Variants in ASB15 observed in about 807,000 individuals in gnomAD.
The protein encoded by ASB15 is ankyrin repeat and SOCS box protein 15.
ASB15 carries 54 observed loss-of-function variants against 58.0 expected under a neutral mutation model. The observed-to-expected ratio is 0.93, with a 90% CI of 0.75 to 1.17. The LOEUF is 1.17. ASB15 is among the 50% of genes most tolerant of loss of function. The pLI, the probability that ASB15 is intolerant of heterozygous loss-of-function variation, is 0.00. For synonymous variants in ASB15, 249 were observed against 262.4 expected (o/e 0.95, Z 0.50); for missense variants, 680 against 707.4 (o/e 0.96, Z 0.44).
Position 123,617,616 on chromosome 7 carries a change from T to C in ASB15, c.330T>C (p.Asp110=), listed in dbSNP as rs151090515. 1.8e-4 allele frequency: 290 copies of C among 1,611,356 alleles called. No individual in the cohort carries two copies. The highest frequency in any genetic ancestry group is 2.2e-4 in the Non-Finnish European group (261 of 1,177,614). ...CACTCTGGGAATTCAAGACCTGTGATGGAGAAACACCCTTGACTTTGGCAG... is the reference window on the plus strand; with the variant it reads ...CACTCTGGGAATTCAAGACCTGTGACGGAGAAACACCCTTGACTTTGGCAG... ...YKTLWEFKTC[D]GETPLTLAVK... is the part of the protein sequence containing the mutation. Residue 110 remains aspartate (D), a synonymous_variant, in exon 7 of 12, where the codon GAT becomes GAC. Coordinates refer to ENST00000451215, the MANE Select transcript of ASB15 (RefSeq NM_001290258.2).
chr7:123,577,191 AT>A (rs769140168), intron 1 of ASB15, among the ~76,000 whole-genome samples: 1 of 152,158 alleles, frequency 6.6e-6, no homozygotes, highest in Non-Finnish European at 1.5e-5. Flanking sequence ...GGTTTACTAT[AT>A]CATTGATATC....
intron 7 of ASB15, among the ~76,000 whole-genome samples, chr7:123,623,944 AAAGAAAGAAAGAAAG>A: frequency 1.5e-5 from 1 of 66,572 alleles, no homozygotes; most frequent in East Asian, 3.9e-4. Flanking sequence ...AGAAAGAAAG[AAAGAAAGAAAGAAAG>A]AAAGAAAGAA....
chr7:123,629,065 C>T lies in ASB15; in HGVS notation c.1071C>T (p.Gly357=), dbSNP rs1376390217. 11 of 1,613,288 alleles carry T rather than the reference C, an allele frequency of 6.8e-6. No homozygotes were observed. In the African/African-American group the frequency reaches 9.3e-5, roughly 14 times the overall value. Residue 357 remains glycine (G), a synonymous_variant, in exon 10 of 12, where the codon GGC becomes GGT. Coordinates refer to ENST00000451215, the MANE Select transcript of ASB15 (RefSeq NM_001290258.2). ...AGAGGAAGACTGCGCTGTATTTTGGCGTTTCTAATAATGACGTTCATTGCA... is the reference window on the plus strand; with the variant it reads ...AGAGGAAGACTGCGCTGTATTTTGGTGTTTCTAATAATGACGTTCATTGCA... ...DDERKTALYF[G]VSNNDVHCTE...
chr7:123,606,671 C>T (rs528409222), intron 2 of ASB15, among the ~76,000 whole-genome samples: 13 of 152,270 alleles, frequency 8.5e-5, no homozygotes, highest in African/African-American at 2.9e-4. Context: ...TCTATGACTT[C>T]AACTTTTTAG....
chr7:123,575,413 T>G (rs1441551424), intron 1 of ASB15, among the ~76,000 whole-genome samples: 2 of 152,096 alleles, frequency 1.3e-5, no homozygotes, highest in African/African-American at 2.4e-5. Context: ...CTCCTTTCAA[T>G]CTCAGATATT....
chr7:123,632,079 A>AT lies in ASB15; in HGVS notation c.1594+1960_1594+1961insT, dbSNP rs1189046181. Among the ~76,000 whole-genome samples the AT allele has an allele frequency of 8.3e-4, 127 of 152,116 alleles. 1 individual carries two copies. The highest frequency in any genetic ancestry group is 3.0e-3 in the African/African-American group (124 of 41,466). ...GGCGACAGAGCGAGACTCCATCTCA[A>AT]AAATAATAATAATAATAATAATAGA... On this transcript the variant is annotated intron_variant, in intron 11 of 11. Transcript: ENST00000451215.
intron 3 of ASB15, 164 bp from the exon 4 acceptor site, chr7:123,614,337 T>C (rs893208419): frequency 7.2e-6 from 4 of 552,354 alleles, no homozygotes; most frequent in Non-Finnish European, 1.3e-5. Flanking sequence ...AAAATGGACC[T>C]CACAAGTAAT....
chr7:123,608,172 C>T (rs1800242404), intron 2 of ASB15, among the ~76,000 whole-genome samples: 1 of 151,602 alleles, frequency 6.6e-6, no homozygotes. Flanking sequence ...TAATATGAAA[C>T]TGGAGATAAA....
chr7:123,600,087 G>A (rs1227213966), upstream of ASB15, among the ~76,000 whole-genome samples: 4 of 152,098 alleles, frequency 2.6e-5, no homozygotes, highest in African/African-American at 7.2e-5. Context: ...AACTACTTGA[G>A]GAATAGGCCT....
upstream of ASB15, among the ~76,000 whole-genome samples, chr7:123,600,170 T>A (rs1388389097): frequency 1.3e-5 from 2 of 152,010 alleles, no homozygotes; most frequent in Admixed American, 6.6e-5. Context: ...ATAAATAATC[T>A]CAAAAATGTA....
chr7:123,568,774 C>G (rs575416305), intron 1 of ASB15, among the ~76,000 whole-genome samples: 1 of 151,442 alleles, frequency 6.6e-6, no homozygotes, highest in African/African-American at 2.4e-5. Context: ...ATATACAAAT[C>G]AACAAAATGG....
In ASB15 at chr7:123,628,917, G is replaced by A; in HGVS notation, c.923G>A (p.Gly308Glu). Residue 308 changes from glycine (G) to glutamate (E), a missense_variant, in exon 10 of 12, where the codon GGG becomes GAG. Gly to Glu is a moderately conservative substitution (Grantham distance 98, BLOSUM62 -2). Transcript: ENST00000451215. ...TCTAAAAATGCAATTCGGAAAAGTG[G>A]GCTAACACCAATTCACTCAGCAGCA... ...VTSKNAIRKS[G>E]LTPIHSAADG... The A allele has an allele frequency of 3.8e-6, 6 of 1,594,020 alleles. No individual in the cohort carries two copies. The South Asian group carries it at 6.9e-5, about 18-fold the overall frequency.
chr7:123,568,445 G>C (rs551750419), intron 1 of ASB15, among the ~76,000 whole-genome samples: 1 of 151,860 alleles, frequency 6.6e-6, no homozygotes, highest in African/African-American at 2.4e-5. Flanking sequence ...GCTTGAACCC[G>C]GGAGGGTGGA....
chr7:123,592,632 G>A (rs1261332342), intron 1 of ASB15, among the ~76,000 whole-genome samples: 1 of 152,156 alleles, frequency 6.6e-6, no homozygotes, highest in African/African-American at 2.4e-5. Context: ...TAATTTGATT[G>A]CACTGTGGTC....
chr7:123,593,372 G>T (rs1799599454), intron 1 of ASB15, among the ~76,000 whole-genome samples: 1 of 151,988 alleles, frequency 6.6e-6, no homozygotes. Flanking sequence ...AGCCTCGATG[G>T]TCTTTATAAT....
intron 2 of ASB15, 36 bp downstream of exon 2, chr7:123,604,248 T>C (rs887423013): frequency 4.6e-5 from 7 of 152,060 alleles, no homozygotes; most frequent in African/African-American, 1.7e-4. Flanking sequence ...CAGATAATGT[T>C]TTGAAGAGTG....
chr7:123,618,199 A>G (rs559350470), intron 7 of ASB15, among the ~76,000 whole-genome samples: 135 of 152,330 alleles, frequency 8.9e-4, no homozygotes, highest in Middle Eastern at 3.4e-3. Flanking sequence ...CATGGCACCT[A>G]TGAGGGGTAC....
chr7:123,614,239 GA>G (rs553174740), intron 3 of ASB15: 16,635 of 292,032 alleles, frequency 0.057, 81 homozygotes, highest in South Asian at 0.069. Context: ...AGTCATTACT[GA>G]AAAAAAAAAA....
At chr7:123,614,475 C>T (rs746969668) in intron 3 of ASB15, 26 bp from the exon 4 acceptor site, 1 of 1,414,142 alleles carries the variant, frequency 7.1e-7, no homozygotes, top group East Asian at 2.3e-5. Context: ...ATAATAAGAA[C>T]TTGTCTCGTT....
Sources: allele counts gnomAD v4.1 joint callset (sites outside exome capture counted in the v4.1 genomes callset), GRCh38; gene constraint gnomAD v4.1.1; transcripts MANE v1.5; gene names NCBI Gene and HGNC (gene_info 2026-07-23, HGNC 2026-07-21).